Variants in MIA2 observed in about 807,000 individuals in gnomAD.
MIA2 encodes melanoma inhibitory activity protein 2.
MIA2 carries 127 observed loss-of-function variants against 167.8 expected under a neutral mutation model. The observed-to-expected ratio is 0.76, with a 90% CI of 0.66 to 0.88. MIA2 has a LOEUF of 0.88. Ranked by LOEUF, MIA2 falls within the 40% of genes least tolerant of loss-of-function variation. The pLI is 0.00. For missense variants in MIA2, 1,690 were observed against 1,624.7 expected (o/e 1.04, Z -0.69); for synonymous variants, 552 against 541.9 (o/e 1.02, Z -0.26).
intron 23 of MIA2, among the ~76,000 whole-genome samples, chr14:39,384,097 C>A (rs772328052): frequency 2.0e-5 from 3 of 152,178 alleles, no homozygotes; most frequent in Non-Finnish European, 4.4e-5. Context: ...ACTTTGATAG[C>A]TAGAGAGAAG....
At chr14:39,380,863 A>T (rs1213190498) in intron 23 of MIA2, among the ~76,000 whole-genome samples, 1 of 152,108 alleles carries the variant, frequency 6.6e-6, no homozygotes, top group Non-Finnish European at 1.5e-5. Flanking sequence ...TGGTTCTCCA[A>T]AGAGAAAGAT....
At chr14:39,241,348 C>T (rs986463329) in intron 3 of MIA2, among the ~76,000 whole-genome samples, 1 of 152,148 alleles carries the variant, frequency 6.6e-6, no homozygotes, top group Admixed American at 6.5e-5. Context: ...TGCCTATTTT[C>T]TGGCTCTTTC....
intron 6 of MIA2, among the ~76,000 whole-genome samples, chr14:39,262,397 C>T (rs2055166439): frequency 6.6e-6 from 1 of 152,170 alleles, no homozygotes; most frequent in Admixed American, 6.5e-5. Context: ...GTACCAGTAC[C>T]ATGCTGTTTT....
At chr14:39,270,108 A>T (rs2056856069) in intron 6 of MIA2, among the ~76,000 whole-genome samples, 1 of 151,624 alleles carries the variant, frequency 6.6e-6, no homozygotes, top group Admixed American at 6.6e-5. Context: ...AGTTTTCTGC[A>T]TTCTCTCCAA....
At chr14:39,269,074 GTTTTTTTTTTT>G (rs3065036) in intron 6 of MIA2, 36 of 583,162 alleles carry the variant, frequency 6.2e-5, no homozygotes, top group South Asian at 2.6e-4. Flanking sequence ...CACCTGCACA[GTTTTTTTTTTT>G]TTTTTTTTTT....
At chr14:39,253,414 C>T in intron 6 of MIA2, 5 of 537,894 alleles carry the variant, frequency 9.3e-6, no homozygotes, top group Non-Finnish European at 1.6e-5. Flanking sequence ...CTTTTTACTC[C>T]ACCCTCCCCA....
At chr14:39,268,478 G>C (rs1226163153) in intron 6 of MIA2, among the ~76,000 whole-genome samples, 1 of 151,942 alleles carries the variant, frequency 6.6e-6, no homozygotes, top group African/African-American at 2.4e-5. Context: ...GTACAAAGTA[G>C]AAACTGATGA....
At chr14:39,284,687 AT>A (rs1159502440) in intron 9 of MIA2, among the ~76,000 whole-genome samples, 2 of 151,440 alleles carry the variant, frequency 1.3e-5, no homozygotes, top group African/African-American at 4.9e-5. Context: ...CCTTGGTTGA[AT>A]TTGTTCCTAG....
rs1594582094 is a variant in MIA2, at chr14:39,234,025, G to C, written c.-90G>C. On this transcript the variant is annotated 5_prime_UTR_variant, in exon 1 of 29. Transcript: ENST00000640607. ...CTTTTTCTCTTATAGTTAGTGAAGAGAGTAGAATATCTCCAGTTTTGGCTG... is the reference window on the plus strand; with the variant it reads ...CTTTTTCTCTTATAGTTAGTGAAGACAGTAGAATATCTCCAGTTTTGGCTG... 1.4e-6 allele frequency: 1 copy of C among 691,716 alleles called. No individual in the cohort carries two copies. The highest frequency in any genetic ancestry group is 2.9e-5 in the East Asian group (1 of 34,484). 42.8% of individuals were successfully genotyped at this position (691,716 alleles called of 1,614,324 possible). A position where few individuals can be genotyped will look rare whatever the true frequency, so the allele number is the denominator to read the frequency against.
intron 9 of MIA2, among the ~76,000 whole-genome samples, chr14:39,288,464 TATATA>T (rs2060200262): frequency 6.6e-5 from 2 of 30,402 alleles, no homozygotes; most frequent in African/African-American, 2.8e-4. Flanking sequence ...TATATATATA[TATATA>T]TATATATTTT....
In MIA2 at chr14:39,247,346, G is replaced by C. The variant is rs757392945; in HGVS notation, c.772G>C (p.Val258Leu). The part of the protein sequence containing the change: ...ESSFRSRKIA[V>L]EDENDLEELN... The stretch of plus-strand genomic sequence containing the variant: ...CTCATTTCGGAGTAGAAAAATAGCA[G>C]TGGAAGATGAGAATGACCTAGAGGA... Residue 258 changes from valine to leucine, a missense_variant, in exon 4 of 29, where the codon GTG becomes CTG. Physicochemically the swap from Val to Leu is conservative, Grantham distance 32 (BLOSUM62 1). Coordinates refer to ENST00000640607, the MANE Select transcript of MIA2 (RefSeq NM_001329214.4). 1 of 1,614,124 alleles carries C rather than the reference G, an allele frequency of 6.2e-7. No homozygotes were observed. Among genetic ancestry groups the C allele is most frequent in the East Asian group, 2.2e-5 (1 of 44,872 alleles).
chr14:39,323,599 A>T (rs1049581870), intron 24 of MIA2, among the ~76,000 whole-genome samples: 1 of 152,182 alleles, frequency 6.6e-6, no homozygotes, highest in Admixed American at 6.5e-5. Context: ...CTTTCTATTC[A>T]ATTTTATCCC....
At chr14:39,314,956 G>T (rs1007349193) in intron 20 of MIA2, 157 bp downstream of exon 20, 11 of 516,564 alleles carry the variant, frequency 2.1e-5, no homozygotes, top group Non-Finnish European at 3.4e-5. Flanking sequence ...TTTCCCAGGA[G>T]CCAAAGATTC....
intron 14 of MIA2, among the ~76,000 whole-genome samples, chr14:39,301,352 A>G (rs1396474335): frequency 1.3e-5 from 2 of 151,850 alleles, no homozygotes; most frequent in Admixed American, 1.3e-4. Context: ...GGCGTGAGCC[A>G]CCGCATCTGG....
intron 23 of MIA2, among the ~76,000 whole-genome samples, chr14:39,363,743 G>T (rs1204772098): frequency 6.6e-6 from 1 of 152,124 alleles, no homozygotes; most frequent in Non-Finnish European, 1.5e-5. Flanking sequence ...TTGCTGAATT[G>T]ATTCCTTTAT....
chr14:39,343,653 C>A lies in MIA2; in HGVS notation c.3656-2251C>A, dbSNP rs149756575. On this transcript the variant is annotated intron_variant, in intron 25 of 28. Coordinates refer to ENST00000640607, the MANE Select transcript of MIA2 (RefSeq NM_001329214.4). ...TTCTAATCATGTCTTCTATTATAAG[C>A]GTAGAATACTATTATAGAAAACAAA... Among the ~76,000 whole-genome samples the A allele has an allele frequency of 5.8e-3, 876 of 151,864 alleles. 9 individuals carry two copies. The highest frequency in any genetic ancestry group is 0.019 in the African/African-American group (806 of 41,388).
At chr14:39,279,295 C>T (rs761734537) in intron 7 of MIA2, 42 bp from the exon 8 acceptor site, 24 of 1,540,230 alleles carry the variant, frequency 1.6e-5, no homozygotes, top group African/African-American at 6.9e-5. Context: ...TACTTGAGAG[C>T]GTATTTGTTT....
chr14:39,256,945 T>A (rs982997841), intron 6 of MIA2, among the ~76,000 whole-genome samples: 1 of 152,114 alleles, frequency 6.6e-6, no homozygotes, highest in East Asian at 1.9e-4. Context: ...TAATCCTGAG[T>A]TCTAGTTTGA....
chr14:39,337,924 T>A (rs1008503919), intron 25 of MIA2, among the ~76,000 whole-genome samples: 4 of 152,100 alleles, frequency 2.6e-5, no homozygotes, highest in Admixed American at 6.6e-5. Context: ...GGTTTTGCCA[T>A]TTTAGCCAGG....
Sources: allele counts gnomAD v4.1 joint callset (sites outside exome capture counted in the v4.1 genomes callset), GRCh38; gene constraint gnomAD v4.1.1; transcripts MANE v1.5; gene names NCBI Gene and HGNC (gene_info 2026-07-23, HGNC 2026-07-21).